ANO6: variants seen among roughly 807,000 people sequenced by gnomAD.
ANO6 encodes the protein anoctamin 6.
Under a neutral mutation model 117.5 loss-of-function variants are expected in ANO6, and 106 were observed. The observed-to-expected ratio is 0.90, with a 90% CI of 0.77 to 1.06. The LOEUF is 1.06. Ranked by LOEUF, ANO6 falls within the 50% of genes least tolerant of loss-of-function variation. The probability of loss-of-function intolerance (pLI) is 0.00; values close to 1 mark genes in which losing one functional copy is unlikely to be tolerated. For missense variants in ANO6, 955 were observed against 1,121.1 expected (o/e 0.85, Z 2.12); for synonymous variants, 367 against 385.1 (o/e 0.95, Z 0.55).
chr12:45,334,031 A>G (rs192095377), intron 3 of ANO6, among the ~76,000 whole-genome samples: 1 of 152,098 alleles, frequency 6.6e-6, no homozygotes, highest in Admixed American at 6.6e-5. Context: ...ATTTAAAAGG[A>G]TGTATCATCC....
chr12:45,306,438 C>T (rs1439066805), intron 2 of ANO6, among the ~76,000 whole-genome samples: 1 of 151,968 alleles, frequency 6.6e-6, no homozygotes, highest in African/African-American at 2.4e-5. Context: ...AAAATAGGCT[C>T]AGGAAGATGA....
At chr12:45,280,705 T>G (rs1001085070) in intron 1 of ANO6, among the ~76,000 whole-genome samples, 1 of 152,126 alleles carries the variant, frequency 6.6e-6, no homozygotes, top group African/African-American at 2.4e-5. Context: ...AAACTCTCAC[T>G]GTCTTCCTCT....
chr12:45,241,139 G>T (rs1419690342), intron 1 of ANO6, among the ~76,000 whole-genome samples: 1 of 152,208 alleles, frequency 6.6e-6, no homozygotes, highest in Non-Finnish European at 1.5e-5. Flanking sequence ...ATATCCTGCA[G>T]AGTGTTTTCC....
intron 1 of ANO6, among the ~76,000 whole-genome samples, chr12:45,281,193 G>A (rs1055204045): frequency 6.6e-6 from 1 of 152,090 alleles, no homozygotes; most frequent in Non-Finnish European, 1.5e-5. Flanking sequence ...ATATGTATTA[G>A]GGTCAACTGT....
intron 16 of ANO6, among the ~76,000 whole-genome samples, chr12:45,409,711 CAATGA>C (rs2137658678): frequency 6.6e-6 from 1 of 152,200 alleles, no homozygotes; most frequent in Non-Finnish European, 1.5e-5. Context: ...TATTACTGGG[CAATGA>C]AATGGAATAT....
intron 10 of ANO6, among the ~76,000 whole-genome samples, chr12:45,379,032 AATTG>A (rs1328809653): frequency 6.6e-6 from 1 of 152,236 alleles, no homozygotes; most frequent in East Asian, 1.9e-4. Flanking sequence ...TTAAATGTTT[AATTG>A]ATCTGAATGT....
At chr12:45,259,805 A>G (rs984761747) in intron 1 of ANO6, among the ~76,000 whole-genome samples, 1 of 152,250 alleles carries the variant, frequency 6.6e-6, no homozygotes, top group Non-Finnish European at 1.5e-5. Flanking sequence ...AGAGATAAAT[A>G]TGTGAGGAGA....
chr12:45,316,371 G>A (rs1464211822), intron 2 of ANO6, among the ~76,000 whole-genome samples: 1 of 152,080 alleles, frequency 6.6e-6, no homozygotes, highest in Non-Finnish European at 1.5e-5. Context: ...AGCATATAAG[G>A]AGTAAACCTC....
intron 10 of ANO6, among the ~76,000 whole-genome samples, chr12:45,379,202 T>C (rs773041875): frequency 3.9e-5 from 6 of 152,252 alleles, no homozygotes; most frequent in Non-Finnish European, 8.8e-5. Flanking sequence ...TCAATGTGTG[T>C]AACTCACAGA....
intron 1 of ANO6, among the ~76,000 whole-genome samples, chr12:45,293,171 G>T (rs1020447523): frequency 6.6e-6 from 1 of 152,194 alleles, no homozygotes; most frequent in African/African-American, 2.4e-5. Flanking sequence ...GAATTGAAGA[G>T]CACTAGTAAC....
chr12:45,265,025 A>G (rs1278794703), intron 1 of ANO6, among the ~76,000 whole-genome samples: 2 of 152,188 alleles, frequency 1.3e-5, no homozygotes, highest in African/African-American at 4.8e-5. Flanking sequence ...GAGTGAAAGG[A>G]GCAATTCCTC....
chr12:45,232,130 T>C (rs1947582366), intron 1 of ANO6, among the ~76,000 whole-genome samples: 1 of 152,238 alleles, frequency 6.6e-6, no homozygotes, highest in African/African-American at 2.4e-5. Context: ...TCAGTAAATA[T>C]GTGCGGTATA....
At chr12:45,348,761 A>G (rs1941208783) in intron 6 of ANO6, 130 bp downstream of exon 6, 9 of 749,974 alleles carry the variant, frequency 1.2e-5, no homozygotes, top group Admixed American at 2.0e-5. Flanking sequence ...GCAAGATTAC[A>G]AGCTCATTTA....
Position 45,401,851 on chromosome 12 carries a change from C to G in ANO6, c.1443C>G (p.Phe481Leu), listed in dbSNP as rs1565753277. ...TCATTGTCTATAGGCTCTCGGTGTT[C>G]ATTGTATTTTCTGCAAAACTTCCCA... Reference protein sequence around the residue: ...IGIIVYRLSVFIVFSAKLPKN... With the variant: ...IGIIVYRLSVLIVFSAKLPKN... Residue 481 changes from phenylalanine (F) to leucine (L), a missense_variant, in exon 13 of 20, where the codon TTC (phenylalanine) becomes TTG (leucine). Transcript: ENST00000320560. 6.2e-7 allele frequency: 1 copy of G among 1,613,876 alleles called. No homozygotes were observed. Among genetic ancestry groups the G allele is most frequent in the South Asian group, 1.1e-5 (1 of 91,042 alleles).
At chr12:45,286,451 G>C (rs1250322393) in intron 1 of ANO6, among the ~76,000 whole-genome samples, 1 of 152,198 alleles carries the variant, frequency 6.6e-6, no homozygotes, top group African/African-American at 2.4e-5. Context: ...CAAGATTTAA[G>C]TAGGGGGTAT....
At chr12:45,326,447 A>G (rs1940469357) in intron 2 of ANO6, among the ~76,000 whole-genome samples, 1 of 152,212 alleles carries the variant, frequency 6.6e-6, no homozygotes, top group South Asian at 2.1e-4. Context: ...ATGTGAGTCA[A>G]AATACACAAT....
At position 45,421,180 on chromosome 12, in the gene ANO6, TCAA is replaced by T; in HGVS notation, c.2333_2335del (p.Asn778del). ...ACTTCCTACACCATGGAAGGGTACATCAACAACACTCTCTCCATCTTCAAAGTC... is the reference window on the plus strand; with the variant it reads ...ACTTCCTACACCATGGAAGGGTACATCAACACTCTCTCCATCTTCAAAGTC... On this transcript the variant is annotated inframe_deletion, in exon 18 of 20. Transcript: ENST00000320560. 1 of 1,614,134 alleles carries T rather than the reference TCAA, an allele frequency of 6.2e-7. No individual in the cohort carries two copies. Among genetic ancestry groups the T allele is most frequent in the Non-Finnish European group, 8.5e-7 (1 of 1,180,006 alleles).
intron 1 of ANO6, among the ~76,000 whole-genome samples, chr12:45,293,109 T>C (rs1382019451): frequency 6.6e-6 from 1 of 152,242 alleles, no homozygotes; most frequent in Non-Finnish European, 1.5e-5. Flanking sequence ...CAGTGCAATA[T>C]GGTTCTGGAA....
intron 3 of ANO6, chr12:45,335,611 A>G (rs1422138585): frequency 6.6e-6 from 1 of 152,008 alleles, no homozygotes; most frequent in Admixed American, 6.6e-5. Context: ...GGATTTTCAG[A>G]TGTGGGATGC....
Sources: allele counts gnomAD v4.1 joint callset (sites outside exome capture counted in the v4.1 genomes callset), GRCh38; gene constraint gnomAD v4.1.1; transcripts MANE v1.5; gene names NCBI Gene and HGNC (gene_info 2026-07-23, HGNC 2026-07-21).